SLCO2B1: variants seen among roughly 807,000 people sequenced by gnomAD.
SLCO2B1 encodes the protein OATP-RP2.
A neutral mutation model predicts 67.3 loss-of-function variants in SLCO2B1; 41 were observed. The observed-to-expected ratio is 0.61, with a 90% confidence interval of 0.47 to 0.79. SLCO2B1 has a LOEUF of 0.79. Among genes scored for constraint, SLCO2B1 ranks in the 30% least tolerant of loss-of-function variants. The pLI is 0.00. For synonymous variants in SLCO2B1, 379 were observed against 381.4 expected, an observed-to-expected ratio of 0.99 and a Z score of 0.07; for missense variants, 837 against 920.1, an observed-to-expected ratio of 0.91 and a Z score of 1.17.
At chr11:75,162,961 C>T (rs898826477) in intron 2 of SLCO2B1, 176 bp downstream of exon 2, 3 of 701,520 alleles carry the variant, frequency 4.3e-6, no homozygotes, top group Non-Finnish European at 6.9e-6. Context: ...GTTTCGGGCA[C>T]ATGGAAGGTG....
At chr11:75,195,100 G>A (rs1235492686) in intron 9 of SLCO2B1, among the ~76,000 whole-genome samples, 3 of 152,192 alleles carry the variant, frequency 2.0e-5, no homozygotes, top group Non-Finnish European at 4.4e-5. Context: ...CCATTTCACA[G>A]ATGAATACAG....
intron 7 of SLCO2B1, among the ~76,000 whole-genome samples, chr11:75,186,399 G>A (rs1944931070): frequency 6.6e-6 from 1 of 152,044 alleles, no homozygotes; most frequent in African/African-American, 2.4e-5. Context: ...AGTAGAGACA[G>A]GGTTTAGTCA....
chr11:75,181,063 T>A (rs17133793), intron 7 of SLCO2B1, among the ~76,000 whole-genome samples: 6,317 of 152,222 alleles, frequency 0.041, 467 homozygotes, highest in African/African-American at 0.15. Context: ...GCCAGTGGCA[T>A]GAATCTCATT....
intron 7 of SLCO2B1, among the ~76,000 whole-genome samples, chr11:75,180,509 A>G (rs1327231077): frequency 6.6e-6 from 1 of 152,182 alleles, no homozygotes; most frequent in Non-Finnish European, 1.5e-5. Flanking sequence ...AGCACTTGTT[A>G]TCTATCATAT....
At chr11:75,151,921 CAG>C (rs1949696571) in intron 1 of SLCO2B1, 1 of 160,690 alleles carries the variant, frequency 6.2e-6, no homozygotes, top group African/African-American at 2.4e-5. Flanking sequence ...AGGCAGGAGA[CAG>C]AGCAGGAAAG....
At chr11:75,181,897 C>G (rs892653184) in intron 7 of SLCO2B1, among the ~76,000 whole-genome samples, 1 of 152,220 alleles carries the variant, frequency 6.6e-6, no homozygotes, top group Admixed American at 6.5e-5. Flanking sequence ...GTCCTCAAAA[C>G]AGATGAGGGG....
At chr11:75,161,526 G>C (rs993561683) in intron 1 of SLCO2B1, among the ~76,000 whole-genome samples, 1 of 152,182 alleles carries the variant, frequency 6.6e-6, no homozygotes, top group Non-Finnish European at 1.5e-5. Flanking sequence ...GTGGTTCAGG[G>C]CCTCCGTAGC....
chr11:75,196,327 A>G, intron 9 of SLCO2B1, 187 bp from the exon 10 acceptor site: 1 of 601,472 alleles, frequency 1.7e-6, no homozygotes, highest in Non-Finnish European at 2.9e-6. Context: ...GCCTGTCTCC[A>G]TACTTGCCCA....
intron 1 of SLCO2B1, among the ~76,000 whole-genome samples, chr11:75,162,311 C>G (rs1251743956): frequency 2.0e-5 from 3 of 152,172 alleles, no homozygotes; most frequent in Non-Finnish European, 2.9e-5. Flanking sequence ...ACGGCTTACC[C>G]TACTGCTGGG....
chr11:75,171,477 C>T (rs929311206), intron 6 of SLCO2B1, among the ~76,000 whole-genome samples: 3 of 152,114 alleles, frequency 2.0e-5, no homozygotes, highest in African/African-American at 4.8e-5. Context: ...AGGGTGGTCT[C>T]GAACTCCTGG....
intron 8 of SLCO2B1, among the ~76,000 whole-genome samples, chr11:75,192,337 C>G (rs1458700167): frequency 6.6e-6 from 1 of 152,218 alleles, no homozygotes; most frequent in Non-Finnish European, 1.5e-5. Context: ...ACAAAACCCC[C>G]TGATCTTTTA....
At chr11:75,203,212 C>T (rs1257544152) in intron 12 of SLCO2B1, 95 bp from the exon 13 acceptor site, 1 of 1,515,216 alleles carries the variant, frequency 6.6e-7, no homozygotes, top group African/African-American at 1.4e-5. Context: ...CAAGAGGCCC[C>T]AGTAACCCAG....
In SLCO2B1 at chr11:75,164,074, T is replaced by G; in HGVS notation, c.259T>G (p.Ser87Ala). 3 of 1,608,466 alleles carry G rather than the reference T, an allele frequency of 1.9e-6. No individual in the cohort carries two copies. The highest frequency in any genetic ancestry group is 2.5e-6 in the Non-Finnish European group (3 of 1,177,762). The change falls in exon 3 of 14, where the codon TCG becomes GCG. Residue 87 changes from serine (S) to alanine (A), a missense_variant. Physicochemically the swap from Ser to Ala is moderately conservative, Grantham distance 99. Transcript: ENST00000289575. The stretch of plus-strand genomic sequence containing the variant: ...GCGCTTCGGCCTCTCCAGCCAGACG[T>G]CGGGGCTGCTGGCCTCCTTCAACGA... ...EKRFGLSSQT[S>A]GLLASFNEVG...
chr11:75,197,833 A>G lies in SLCO2B1; in HGVS notation c.1599+1154A>G, dbSNP rs1021157480. The stretch of plus-strand genomic sequence containing the variant: ...AAATGAAGGCAATGTAATCAGCAGC[A>G]GTGCATTCTGAATCTTAGGAGGGCT... On this transcript the variant is annotated intron_variant, in intron 10 of 13. Coordinates refer to ENST00000289575, the MANE Select transcript of SLCO2B1 (RefSeq NM_007256.5). Among the ~76,000 whole-genome samples the G allele has an allele frequency of 3.3e-5, 5 of 152,236 alleles. No homozygotes were observed. The South Asian group carries it at 1.0e-3, about 32-fold the overall frequency.
At chr11:75,162,629 T>G (rs778649259) in intron 1 of SLCO2B1, 26 bp from the exon 2 acceptor site, 2 of 1,606,548 alleles carry the variant, frequency 1.2e-6, no homozygotes. Flanking sequence ...CTATCTATTC[T>G]CTTTCCCTGG....
chr11:75,161,051 GA>G (rs1457001019), intron 1 of SLCO2B1, among the ~76,000 whole-genome samples: 1 of 152,196 alleles, frequency 6.6e-6, no homozygotes, highest in Non-Finnish European at 1.5e-5. Flanking sequence ...TATTGTATAT[GA>G]ACATATGACC....
Position 75,191,907 on chromosome 11 carries a change from C to T in SLCO2B1, c.1076-1311C>T, listed in dbSNP as rs58911637. Reference sequence around the variant, plus strand: ...GGAGCCCAGAGAGGAAAGGACTTACCCACCCTTTTGTGCCCTTTGGTTTAG... The same window carrying T: ...GGAGCCCAGAGAGGAAAGGACTTACTCACCCTTTTGTGCCCTTTGGTTTAG... On this transcript the variant is annotated intron_variant, in intron 8 of 13. Coordinates refer to ENST00000289575, the MANE Select transcript of SLCO2B1 (RefSeq NM_007256.5). Among the ~76,000 whole-genome samples the T allele has an allele frequency of 8.4e-3, 1,284 of 152,254 alleles. 10 individuals carry two copies. Among genetic ancestry groups the T allele is most frequent in the African/African-American group, 0.028 (1,150 of 41,530 alleles).
At position 75,172,410 on chromosome 11, in the gene SLCO2B1, A is replaced by C. The variant is rs1216868255; in HGVS notation, c.813A>C (p.Arg271=). Residue 271 remains arginine, a synonymous_variant, in exon 7 of 14, where the codon CGA becomes CGC. Coordinates refer to ENST00000289575, the MANE Select transcript of SLCO2B1 (RefSeq NM_007256.5). The part of the protein sequence containing the change: ...GGISLTIKDP[R]WVGAWWLGFL... Reference sequence around the variant, plus strand: ...TCAGCCTGACCATAAAGGACCCCCGATGGGTGGGTGCCTGGTGGCTGGGTT... The same window carrying C: ...TCAGCCTGACCATAAAGGACCCCCGCTGGGTGGGTGCCTGGTGGCTGGGTT... 6.2e-7 allele frequency: 1 copy of C among 1,614,078 alleles called. No homozygotes were observed. The highest frequency in any genetic ancestry group is 1.1e-5 in the South Asian group (1 of 91,072).
chr11:75,203,290 A>G lies in SLCO2B1; in HGVS notation c.1829-17A>G. ...GACGGTGGGCCTTCATTGTCCCCTG[A>G]GCACCACCTCCCTCAGCCTGGATGC... On this transcript the variant is annotated splice_polypyrimidine_tract_variant and intron_variant, in intron 12 of 13. Coordinates refer to ENST00000289575, the MANE Select transcript of SLCO2B1 (RefSeq NM_007256.5). The G allele has an allele frequency of 6.2e-7, 1 of 1,611,660 alleles. No homozygotes were observed. Among genetic ancestry groups the G allele is most frequent in the Non-Finnish European group, 8.5e-7 (1 of 1,179,802 alleles).
Sources: gnomAD v4.1 joint callset for allele counts (sites outside exome capture counted in the v4.1 genomes callset) on GRCh38, gnomAD v4.1.1 for gene constraint, MANE v1.5 for transcripts, NCBI Gene and HGNC (gene_info 2026-07-23, HGNC 2026-07-21) for gene names.